UNC5A: variants seen among roughly 807,000 people sequenced by gnomAD.
The protein encoded by UNC5A is unc-5 netrin receptor A, also known as netrin receptor UNC5A.
UNC5A carries 20 observed loss-of-function variants against 87.4 expected under a neutral mutation model. That is an observed-to-expected ratio of 0.23 (90% CI 0.16 to 0.33). The LOEUF is 0.33. Ranked by LOEUF, UNC5A falls within the 10% of genes least tolerant of loss-of-function variation. The pLI is 1.00. For synonymous variants in UNC5A, 438 were observed against 482.3 expected (o/e 0.91, Z 1.20); for missense variants, 844 against 1,133.4 (o/e 0.74, Z 3.67).
chr5:176,867,073 T>TC (rs1191742236), intron 2 of UNC5A, among the ~76,000 whole-genome samples: 1 of 152,182 alleles, frequency 6.6e-6, no homozygotes. Context: ...CGGCCGCTCT[T>TC]CCCGCAATGC....
At position 176,827,487 on chromosome 5, in the gene UNC5A, T is replaced by C. The variant is rs148791769; in HGVS notation, c.70+16667T>C. On this transcript the variant is annotated intron_variant, in intron 1 of 14. Coordinates refer to ENST00000329542, the MANE Select transcript of UNC5A (RefSeq NM_133369.3). ...TGTGAGCCACCATGCCCAGCCTTCA[T>C]TCCTTTTTGTGGTTAAATAATATTT... 5.2e-3 allele frequency among the ~76,000 whole-genome samples: 792 copies of C among 152,272 alleles called. 7 individuals are homozygous for C. Among genetic ancestry groups the C allele is most frequent in the African/African-American group, 0.018 (753 of 41,556 alleles).
At chr5:176,815,412 G>T (rs1395335020) in intron 1 of UNC5A, among the ~76,000 whole-genome samples, 1 of 152,238 alleles carries the variant, frequency 6.6e-6, no homozygotes, top group Non-Finnish European at 1.5e-5. Flanking sequence ...AGGTGAAGCA[G>T]AAAGGACAGG....
At chr5:176,853,864 G>A (rs1757603441) in intron 1 of UNC5A, among the ~76,000 whole-genome samples, 1 of 152,202 alleles carries the variant, frequency 6.6e-6, no homozygotes. Flanking sequence ...CAGAGGGATG[G>A]ACCAAGGGGA....
At chr5:176,833,645 A>T (rs1478212518) in intron 1 of UNC5A, among the ~76,000 whole-genome samples, 1 of 151,908 alleles carries the variant, frequency 6.6e-6, no homozygotes, top group East Asian at 1.9e-4. Context: ...ATAGCCCATG[A>T]GTCTCTGCCC....
chr5:176,829,416 A>AATGGATGGATGG lies in UNC5A; in HGVS notation c.70+18615_70+18626dup, dbSNP rs770947463. On this transcript the variant is annotated intron_variant, in intron 1 of 14. Coordinates refer to ENST00000329542, the MANE Select transcript of UNC5A (RefSeq NM_133369.3). Reference sequence around the variant, plus strand: ...TGGATGGGTGGATGTATGAAAGATGAATGGATGGATGGATGGATGGATGGA... The same window carrying AATGGATGGATGG: ...TGGATGGGTGGATGTATGAAAGATGAATGGATGGATGGATGGATGGATGGATGGATGGATGGA... 8.2e-3 allele frequency among the ~76,000 whole-genome samples: 627 copies of AATGGATGGATGG among 76,024 alleles called. 9 individuals carry two copies. Among genetic ancestry groups the AATGGATGGATGG allele is most frequent in the African/African-American group, 0.025 (516 of 20,374 alleles). The allele number at this position is 76,024 out of a possible 152,430, so 49.9% of individuals were successfully genotyped here. A position where few individuals can be genotyped will look rare whatever the true frequency, so the allele number is the denominator to read the frequency against.
chr5:176,810,665 AGCTGGGGCTCCG>A lies in UNC5A; in HGVS notation c.-84_-73del, dbSNP rs1281281422. On this transcript the variant is annotated 5_prime_UTR_variant, in exon 1 of 15. Coordinates refer to ENST00000329542, the MANE Select transcript of UNC5A (RefSeq NM_133369.3). The surrounding 1 kb of genome is among the most constrained non-coding windows in gnomAD (Gnocchi z 7.3). Reference sequence around the variant, plus strand: ...TGGCATGGGCCCCGGGGGCGCCCCGAGCTGGGGCTCCGGGCTGAGGCGCTAAAGCCGCCCTCC... The same window carrying A: ...TGGCATGGGCCCCGGGGGCGCCCCGAGGCTGAGGCGCTAAAGCCGCCCTCC... 2 of 444,266 alleles carry A rather than the reference AGCTGGGGCTCCG, an allele frequency of 4.5e-6. No individual in the cohort carries two copies. Among genetic ancestry groups the A allele is most frequent in the African/African-American group, 4.3e-5 (2 of 46,166 alleles). The allele number at this position is 444,266 out of a possible 1,614,324, so 27.5% of individuals were successfully genotyped here. A position where few individuals can be genotyped will look rare whatever the true frequency, so the allele number is the denominator to read the frequency against.
chr5:176,828,152 T>C (rs2962830), intron 1 of UNC5A, among the ~76,000 whole-genome samples: 141,453 of 152,244 alleles, frequency 0.93, 66,265 homozygotes, highest in East Asian at 1. Context: ...GTGTGTGTCT[T>C]GTCACCAGGA....
intron 1 of UNC5A, among the ~76,000 whole-genome samples, chr5:176,854,872 G>T (rs1581263618): frequency 6.6e-6 from 1 of 152,242 alleles, no homozygotes; most frequent in African/African-American, 2.4e-5. Flanking sequence ...AGGCACTGGG[G>T]TGACTTCGGT....
chr5:176,830,154 C>A (rs1756963427), intron 1 of UNC5A, among the ~76,000 whole-genome samples: 1 of 152,178 alleles, frequency 6.6e-6, no homozygotes, highest in African/African-American at 2.4e-5. Context: ...CCATGAGAAC[C>A]GCTCTAAGGG....
intron 1 of UNC5A, among the ~76,000 whole-genome samples, chr5:176,852,822 C>A (rs1051539174): frequency 1.3e-5 from 2 of 152,260 alleles, no homozygotes; most frequent in Non-Finnish European, 2.9e-5. Context: ...TCTGCGTTTG[C>A]GACATCTTGG....
intron 1 of UNC5A, among the ~76,000 whole-genome samples, chr5:176,826,456 G>C (rs549889984): frequency 6.6e-6 from 1 of 152,182 alleles, no homozygotes. Flanking sequence ...TAGTCCAACC[G>C]ATGAAGTTGG....
chr5:176,877,785 C>A lies in UNC5A; in HGVS notation c.1635+82C>A, dbSNP rs933331562. On this transcript the variant is annotated intron_variant, in intron 10 of 14. Transcript: ENST00000329542. Reference sequence around the variant, plus strand: ...ACCCGGCCTTCCACCGCTGGGTGGTCCTGAGCCGCACCCCCACCCCTCCCC... The same window carrying A: ...ACCCGGCCTTCCACCGCTGGGTGGTACTGAGCCGCACCCCCACCCCTCCCC... 1.4e-5 allele frequency: 21 copies of A among 1,514,992 alleles called. No individual in the cohort carries two copies. In the South Asian group the frequency reaches 2.2e-4, roughly 16 times the overall value. 93.8% of individuals were successfully genotyped at this position (1,514,992 alleles called of 1,614,324 possible). A position where few individuals can be genotyped will look rare whatever the true frequency, so the allele number is the denominator to read the frequency against.
At position 176,870,375 on chromosome 5, in the gene UNC5A, G is replaced by A. The variant is rs1411742975; in HGVS notation, c.727G>A (p.Gly243Ser). 3.1e-6 allele frequency: 5 copies of A among 1,611,246 alleles called. No individual in the cohort carries two copies. Among genetic ancestry groups the A allele is most frequent in the Middle Eastern group, 1.9e-4 (1 of 5,286 alleles). ...TCTGCTTGTCTCTCATCTAGTGGAC[G>A]GCAGCTGGAGCCCGTGGAGCAAGTG... ...ASAAVIVYVD[G>S]SWSPWSKWSA... is the part of the protein sequence containing the mutation. The change falls in exon 6 of 15, where the codon GGC becomes AGC. Residue 243 changes from glycine (G) to serine (S), a missense_variant. Around this residue, in one of 3 missense-constraint regions of UNC5A, gnomAD observed 314 missense variants for 466.5 expected, o/e 0.67. Transcript: ENST00000329542.
chr5:176,872,990 C>T (rs1338958116), intron 6 of UNC5A, among the ~76,000 whole-genome samples: 32 of 14,662 alleles, frequency 2.2e-3, no homozygotes, highest in Non-Finnish European at 4.2e-3. Flanking sequence ...CTGCCCACAC[C>T]TGCCCCAACA....
rs1172453024 is a variant in UNC5A at position 176,841,057 on chromosome 5, G to A, written c.71-21567G>A. ...CCACTCCGCGCTGAATGGAGGCAGC[G>A]TGACTTGGTCATGCATTGAAAGCTG... On this transcript the variant is annotated intron_variant, in intron 1 of 14. Transcript: ENST00000329542. The surrounding 1 kb of genome is among the most constrained non-coding windows in gnomAD (Gnocchi z 4.1). Among the ~76,000 whole-genome samples, 6 of 152,232 alleles carry A rather than the reference G, an allele frequency of 3.9e-5. No homozygotes were observed. Among genetic ancestry groups the A allele is most frequent in the South Asian group, 2.1e-4 (1 of 4,832 alleles).
chr5:176,864,977 C>T (rs1286327380), intron 2 of UNC5A: 4 of 370,756 alleles, frequency 1.1e-5, no homozygotes, highest in South Asian at 3.9e-5. Flanking sequence ...GCAGGAGAAC[C>T]GCAGGCAAGT....
rs760901819 is a variant in UNC5A, at chr5:176,879,533, G to C, written c.2363+45G>C. 1.3e-5 allele frequency: 21 copies of C among 1,562,348 alleles called. 1 individual carries two copies. The South Asian group carries it at 1.6e-4, about 12-fold the overall frequency. On this transcript the variant is annotated intron_variant, in intron 14 of 14. Coordinates refer to ENST00000329542, the MANE Select transcript of UNC5A (RefSeq NM_133369.3). ...AGAGGGCCTGCGCAGGCCACCGACAGTCCTGCCCGGCGGCGGGGTGGGTGA... is the reference window on the plus strand; with the variant it reads ...AGAGGGCCTGCGCAGGCCACCGACACTCCTGCCCGGCGGCGGGGTGGGTGA...
intron 1 of UNC5A, among the ~76,000 whole-genome samples, chr5:176,837,389 G>A (rs570530110): frequency 1.4e-4 from 21 of 152,138 alleles, no homozygotes; most frequent in Admixed American, 1.2e-3. Context: ...CTCTCTCTCC[G>A]GCTGACTTCC....
In UNC5A at chr5:176,850,494, T is replaced by G. The variant is rs187089771; in HGVS notation, c.71-12130T>G. On this transcript the variant is annotated intron_variant, in intron 1 of 14. Transcript: ENST00000329542. ...GAAAGGAGGGAGGCTTCCTGGGAGG[T>G]GGGGGCCCTGCTGACTGCAAGAGGC... Among the ~76,000 whole-genome samples, 935 of 139,168 alleles carry G rather than the reference T, an allele frequency of 6.7e-3. 8 individuals carry two copies. Among genetic ancestry groups the G allele is most frequent in the African/African-American group, 0.024 (875 of 36,926 alleles). 91.3% of individuals were successfully genotyped at this position (139,168 alleles called of 152,430 possible).
Sources: gnomAD v4.1 joint callset for allele counts (sites outside exome capture counted in the v4.1 genomes callset) on GRCh38, gnomAD v4.1.1 for gene constraint, gnomAD v4.1.1 regional missense constraint, Gnocchi (gnomAD v3.1) non-coding constraint, MANE v1.5 for transcripts, NCBI Gene and HGNC (gene_info 2026-07-23, HGNC 2026-07-21) for gene names.